The following FLG2 variants were observed in gnomAD, a reference collection of about 807,000 sequenced individuals.
The protein encoded by FLG2 is filaggrin-2.
Under a neutral mutation model 3.9 loss-of-function variants are expected in FLG2, and 7 were observed. The ratio of observed to expected loss-of-function variants is 1.79; its 90% CI spans 1.02 to 3.36. The LOEUF (loss-of-function observed/expected upper bound fraction) is 3.36. FLG2 is among the 30% of genes most tolerant of loss of function. FLG2 has a pLI of 0.00. For synonymous variants in FLG2, 1,031 were observed against 1,056.1 expected (o/e 0.98, Z 0.46); for missense variants, 2,700 against 2,809.4 (o/e 0.96, Z 0.88).
Position 152,353,939 on chromosome 1 carries a change from T to C in FLG2, c.3847A>G (p.Lys1283Glu). 1.2e-6 allele frequency: 2 copies of C among 1,613,344 alleles called. No homozygotes were observed. Among genetic ancestry groups the C allele is most frequent in the Non-Finnish European group, 1.7e-6 (2 of 1,179,708 alleles). The stretch of plus-strand genomic sequence containing the variant: ...TGTTCTGAATGTCTGTGTGAGACCT[T>C]TGAGTGCACTTCACTGTCACTGTTC... Reference protein sequence around the residue: ...SENSDSEVHSKVSHRHSEHIH... With the variant: ...SENSDSEVHSEVSHRHSEHIH... The change falls in exon 3 of 3, where the codon AAG becomes GAG. Residue 1283 changes from lysine to glutamate, a missense_variant. Coordinates refer to ENST00000388718, the MANE Select transcript of FLG2 (RefSeq NM_001014342.3).
chr1:152,353,388 T>G lies in FLG2; in HGVS notation c.4398A>C (p.Gly1466=). 1.2e-6 allele frequency: 2 copies of G among 1,613,338 alleles called. No homozygotes were observed. The highest frequency in any genetic ancestry group is 2.2e-5 in the South Asian group (2 of 91,036). ...TATCTCCTGTCTGTCCATGAGTAGTTCCGTGTCTCCCATGAACTGTGGATC... is the reference window on the plus strand; with the variant it reads ...TATCTCCTGTCTGTCCATGAGTAGTGCCGTGTCTCCCATGAACTGTGGATC... The part of the protein sequence containing the change: ...ESGSTVHGRH[G]TTHGQTGDTT... The change falls in exon 3 of 3, where the codon GGA becomes GGC. Residue 1466 remains glycine (G), a synonymous_variant. Transcript: ENST00000388718.
rs1175896274 is a variant in FLG2, at chr1:152,356,212, G to C, written c.1574C>G (p.Ser525Ter). Residue 525 changes from serine (S) to a stop codon, truncating the protein, a stop_gained, in exon 3 of 3, where the codon TCA (serine) becomes TGA (stop). Coordinates refer to ENST00000388718, the MANE Select transcript of FLG2 (RefSeq NM_001014342.3). LOFTEE classifies it low-confidence loss of function (END_TRUNC). ...SSGFGQHGSV[S>*]GQSSGFGQHE... ...TTGTCCAAAACCAGAGGATTGTCCT[G>C]AGACAGACCCATGCTGTCCAAAACC... is the stretch of plus-strand genomic sequence containing the variant. 4 of 1,613,612 alleles carry C rather than the reference G, an allele frequency of 2.5e-6. No individual in the cohort carries two copies. In the Admixed American group the frequency reaches 6.7e-5, roughly 27 times the overall value.
At position 152,357,259 on chromosome 1, in the gene FLG2, C is replaced by A; in HGVS notation, c.527G>T (p.Gly176Val). The A allele has an allele frequency of 1.2e-6, 2 of 1,614,148 alleles. No homozygotes were observed. Among genetic ancestry groups the A allele is most frequent in the African/African-American group, 1.3e-5 (1 of 75,052 alleles). ...GGACCTGTGGTATCTTTTCTGAGAT[C>A]CCTCTTGGTTCCCAGAGCTGGATAA... ...GNLSSSGNQEGSQKRYHRSSC... is the reference protein window; with the variant it reads ...GNLSSSGNQEVSQKRYHRSSC... The change falls in exon 3 of 3, where the codon GGA becomes GTA. Residue 176 changes from glycine (G) to valine (V), a missense_variant. By Grantham distance (109) the Gly-to-Val change is moderately radical. Coordinates refer to ENST00000388718, the MANE Select transcript of FLG2 (RefSeq NM_001014342.3).
chr1:152,353,900 C>A lies in FLG2; in HGVS notation c.3886G>T (p.Ala1296Ser). The change falls in exon 3 of 3, where the codon GCT (alanine) becomes TCT (serine). Residue 1296 changes from alanine (A) to serine (S), a missense_variant. Coordinates refer to ENST00000388718, the MANE Select transcript of FLG2 (RefSeq NM_001014342.3). ...HRHSEHIHTQ[A>S]GSHYPKSGST... is the part of the protein sequence containing the mutation. Reference sequence around the variant, plus strand: ...CCTGACTTTGGGTAGTGAGATCCAGCTTGTGTGTGAATGTGTTCTGAATGT... The same window carrying A: ...CCTGACTTTGGGTAGTGAGATCCAGATTGTGTGTGAATGTGTTCTGAATGT... 2 of 1,613,918 alleles carry A rather than the reference C, an allele frequency of 1.2e-6. No homozygotes were observed. The highest frequency in any genetic ancestry group is 1.7e-6 in the Non-Finnish European group (2 of 1,179,934).
chr1:152,351,210 G>C lies in FLG2; in HGVS notation c.6576C>G (p.Ala2192=). The change falls in exon 3 of 3, where the codon GCC becomes GCG. Residue 2192 remains alanine, a synonymous_variant. Transcript: ENST00000388718. ...GAGTGTGTCCTGAATGTGTGGGTGA[G>C]GCCTCTGAGTGCACTTCACTATCAC... ...ESSDSEVHSE[A]SPTHSGHTHS... is the part of the protein sequence containing the mutation. 1 of 1,613,590 alleles carries C rather than the reference G, an allele frequency of 6.2e-7. No individual in the cohort carries two copies. Among genetic ancestry groups the C allele is most frequent in the Non-Finnish European group, 8.5e-7 (1 of 1,179,930 alleles).
chr1:152,352,009 G>C lies in FLG2; in HGVS notation c.5777C>G (p.Thr1926Arg). The part of the protein sequence containing the change: ...HKRHQTTHGQ[T>R]GDTTEHGHPS... ...GTGGCCATGTTCAGTGGTATCTCCT[G>C]TCTGTCCATGAGTAGTTTGGTGTCT... The change falls in exon 3 of 3, where the codon ACA (threonine) becomes AGA (arginine). Residue 1926 changes from threonine to arginine, a missense_variant. Physicochemically the swap from Thr to Arg is moderately conservative, Grantham distance 71. Coordinates refer to ENST00000388718, the MANE Select transcript of FLG2 (RefSeq NM_001014342.3). The C allele has an allele frequency of 6.2e-7, 1 of 1,613,824 alleles. No homozygotes were observed. Among genetic ancestry groups the C allele is most frequent in the South Asian group, 1.1e-5 (1 of 91,062 alleles).
rs148340134 is a variant in FLG2, at chr1:152,355,850, C to T, written c.1936G>A (p.Gly646Arg). The T allele has an allele frequency of 1.4e-5, 23 of 1,612,636 alleles. No individual in the cohort carries two copies. In the African/African-American group the frequency reaches 3.1e-4, roughly 22 times the overall value. ...SRQTSGFGQH[G>R]SGSSQSTGFG... ...CCAGTGGATTGACTTGAGCCTGACC[C>T]ATGTTGTCCAAAGCCAGATGTCTGT... The change falls in exon 3 of 3, where the codon GGG becomes AGG. Residue 646 changes from glycine (G) to arginine (R), a missense_variant. Gly to Arg is a moderately radical substitution (Grantham distance 125). Transcript: ENST00000388718.
Position 152,358,906 on chromosome 1 carries a change from C to A in FLG2, c.-22G>T, listed in dbSNP as rs1330717474. The A allele has an allele frequency of 6.3e-7, 1 of 1,599,678 alleles. No individual in the cohort carries two copies. Among genetic ancestry groups the A allele is most frequent in the Non-Finnish European group, 8.5e-7 (1 of 1,175,540 alleles). On this transcript the variant is annotated splice_region_variant and 5_prime_UTR_variant, in exon 2 of 3. Coordinates refer to ENST00000388718, the MANE Select transcript of FLG2 (RefSeq NM_001014342.3). Reference sequence around the variant, plus strand: ...TCATCTTTTTGCAAGTTTAAGTGAACCTGGACACAGAAAAACAAAGAACCC... The same window carrying A: ...TCATCTTTTTGCAAGTTTAAGTGAAACTGGACACAGAAAAACAAAGAACCC...
At chr1:152,358,505 T>TG (rs1654334167) in intron 2 of FLG2, among the ~76,000 whole-genome samples, 1 of 152,220 alleles carries the variant, frequency 6.6e-6, no homozygotes, top group African/African-American at 2.4e-5. Context: ...AGGAAAAGCC[T>TG]GGGTGTATGA....
In FLG2 at chr1:152,352,389, C is replaced by A. The variant is rs973113748; in HGVS notation, c.5397G>T (p.Arg1799Ser). The A allele has an allele frequency of 8.1e-6, 13 of 1,613,738 alleles. No individual in the cohort carries two copies. Among genetic ancestry groups the A allele is most frequent in the Admixed American group, 1.7e-5 (1 of 59,982 alleles). ...CACTGTACTCACTGTGGCCAGATGA[C>A]CTTCTTCCAGTGGTCCTGGACCCTG... ...TQTGSRTTGR[R>S]SSGHSEYSDS... Residue 1799 changes from arginine to serine, a missense_variant, in exon 3 of 3, where the codon AGG (arginine) becomes AGT (serine). By Grantham distance (110) the Arg-to-Ser change is moderately radical. Coordinates refer to ENST00000388718, the MANE Select transcript of FLG2 (RefSeq NM_001014342.3).
intron 2 of FLG2, among the ~76,000 whole-genome samples, 157 bp downstream of exon 2, chr1:152,358,590 A>G (rs1484320454): frequency 6.6e-6 from 1 of 152,216 alleles, no homozygotes; most frequent in Non-Finnish European, 1.5e-5. Context: ...TCTTTAAAAT[A>G]TCTGCTGCTT....
Position 152,352,944 on chromosome 1 carries a change from A to G in FLG2, c.4842T>C (p.His1614=). Residue 1614 remains histidine (H), a synonymous_variant, in exon 3 of 3, where the codon CAT becomes CAC. Transcript: ENST00000388718. ...GTCCATGAGTAGTTCCGTGTCTCTC[A>G]TGAACTGTGAATTCTGGCTCTTCAT... The part of the protein sequence containing the change: ...SQHEEPEFTV[H]ERHGTTHGQI... The G allele has an allele frequency of 6.2e-7, 1 of 1,613,188 alleles. No homozygotes were observed. Among genetic ancestry groups the G allele is most frequent in the Non-Finnish European group, 8.5e-7 (1 of 1,179,902 alleles).
At chr1:152,357,813 T>C (rs1288553747) in intron 2 of FLG2, among the ~76,000 whole-genome samples, 166 bp from the exon 3 acceptor site, 1 of 152,102 alleles carries the variant, frequency 6.6e-6, no homozygotes, top group Non-Finnish European at 1.5e-5. Context: ...TAAGGGTTAA[T>C]AGAAAATAAA....
rs1345686969 is a variant in FLG2, at chr1:152,350,588, G to GTATA, written c.*21_*22insTATA. On this transcript the variant is annotated 3_prime_UTR_variant, in exon 3 of 3. Coordinates refer to ENST00000388718, the MANE Select transcript of FLG2 (RefSeq NM_001014342.3). Reference sequence around the variant, plus strand: ...CTTTTAGTTGCTTTGGATACTATAAGGTCAGAACTAGAAAATAACTGTCAA... The same window carrying GTATA: ...CTTTTAGTTGCTTTGGATACTATAAGTATAGTCAGAACTAGAAAATAACTGTCAA... 6.3e-7 allele frequency: 1 copy of GTATA among 1,597,910 alleles called. No individual in the cohort carries two copies. Among genetic ancestry groups the GTATA allele is most frequent in the African/African-American group, 1.3e-5 (1 of 74,604 alleles).
chr1:152,354,937 T>G lies in FLG2; in HGVS notation c.2849A>C (p.Gln950Pro), dbSNP rs1288308098. The change falls in exon 3 of 3, where the codon CAA (glutamine) becomes CCA (proline). Residue 950 changes from glutamine to proline, a missense_variant. By Grantham distance (76) the Gln-to-Pro change is moderately conservative. Transcript: ENST00000388718. ...GGATTGACCTGAGCCTGACCTGTGT[T>G]GTCCAAATCCAAAAGTCTGTCCTGA... ...SSSGQTFGFG[Q>P]HRSGSGQSSG... 1.2e-6 allele frequency: 2 copies of G among 1,613,452 alleles called. No individual in the cohort carries two copies. The highest frequency in any genetic ancestry group is 2.2e-5 in the South Asian group (2 of 91,044).
At position 152,350,208 on chromosome 1, in the gene FLG2, A is replaced by T. The variant is rs1422609880; in HGVS notation, c.*402T>A. 1.4e-5 allele frequency: 3 copies of T among 207,998 alleles called. No homozygotes were observed. Among genetic ancestry groups the T allele is most frequent in the African/African-American group, 7.0e-5 (3 of 43,036 alleles). 12.9% of individuals were successfully genotyped at this position (207,998 alleles called of 1,614,324 possible). A position where few individuals can be genotyped will look rare whatever the true frequency, so the allele number is the denominator to read the frequency against. Reference sequence around the variant, plus strand: ...TATTGAACTCTAACTTCCCATGCCTAGATCCTAATTGCTCATGAGTGTCTT... The same window carrying T: ...TATTGAACTCTAACTTCCCATGCCTTGATCCTAATTGCTCATGAGTGTCTT... On this transcript the variant is annotated 3_prime_UTR_variant, in exon 3 of 3. Coordinates refer to ENST00000388718, the MANE Select transcript of FLG2 (RefSeq NM_001014342.3).
In FLG2 at chr1:152,354,016, G is replaced by T. The variant is rs769004003; in HGVS notation, c.3770C>A (p.Ser1257Tyr). 7.4e-6 allele frequency: 12 copies of T among 1,614,172 alleles called. No homozygotes were observed. The highest frequency in any genetic ancestry group is 1.1e-5 in the South Asian group (1 of 91,086). Residue 1257 changes from serine to tyrosine, a missense_variant, in exon 3 of 3, where the codon TCC becomes TAC. Ser to Tyr is a moderately radical substitution (Grantham distance 144). Transcript: ENST00000388718. ...TRHSQSGQGQ[S>Y]TQTGSRVTRR... is the part of the protein sequence containing the mutation. The stretch of plus-strand genomic sequence containing the variant: ...AGTTACCCTGGACCCTGTCTGTGTG[G>T]ATTGTCCTTGACCAGACTGGCTATG...
intron 2 of FLG2, 109 bp downstream of exon 2, chr1:152,358,636 TAG>T: frequency 9.8e-7 from 1 of 1,022,072 alleles, no homozygotes; most frequent in South Asian, 1.7e-5. Flanking sequence ...ATACCACTCA[TAG>T]AGTTTGCTTA....
In FLG2 at chr1:152,351,943, G is replaced by A. The variant is rs1017682353; in HGVS notation, c.5843C>T (p.Thr1948Ile). ...GQTIQTGSRTTGRRGSGHSEY... is the reference protein window; with the variant it reads ...GQTIQTGSRTIGRRGSGHSEY... The stretch of plus-strand genomic sequence containing the variant: ...ACTGTGGCCAGATCCCCTTCTTCCA[G>A]TTGTCCTGGACCCTGTCTGTATGGT... The change falls in exon 3 of 3, where the codon ACT (threonine) becomes ATT (isoleucine). Residue 1948 changes from threonine (T) to isoleucine (I), a missense_variant. Transcript: ENST00000388718. 11 of 1,613,798 alleles carry A rather than the reference G, an allele frequency of 6.8e-6. No homozygotes were observed. Among genetic ancestry groups the A allele is most frequent in the Admixed American group, 1.7e-5 (1 of 59,982 alleles).
Sources: gnomAD v4.1 joint callset for allele counts (sites outside exome capture counted in the v4.1 genomes callset) on GRCh38, gnomAD v4.1.1 for gene constraint, MANE v1.5 for transcripts, NCBI Gene and HGNC (gene_info 2026-07-23, HGNC 2026-07-21) for gene names.